The following GPC6 variants were observed in gnomAD, a reference collection of about 807,000 sequenced individuals.
GPC6 encodes the protein glypican 6.
In GPC6, 14 loss-of-function variants were observed where a neutral mutation model predicts 55.2. The ratio of observed to expected loss-of-function variants is 0.25; its 90% CI spans 0.17 to 0.40. The LOEUF is 0.40. Among genes scored for constraint, GPC6 ranks in the 10% least tolerant of loss-of-function variants. GPC6 has a pLI of 1.00. For missense variants in GPC6, 641 were observed against 708.5 expected (o/e 0.90, Z 1.08); for synonymous variants, 278 against 259.6 (o/e 1.07, Z -0.68).
At chr13:93,473,271 G>T (rs562633911) in intron 1 of GPC6, among the ~76,000 whole-genome samples, 2 of 152,302 alleles carry the variant, frequency 1.3e-5, no homozygotes, top group Non-Finnish European at 2.9e-5. Flanking sequence ...GTGTTGAACT[G>T]CCCTAAGCCC....
chr13:93,442,441 T>C (rs184099150), intron 1 of GPC6, among the ~76,000 whole-genome samples: 2 of 152,358 alleles, frequency 1.3e-5, no homozygotes, highest in Admixed American at 6.5e-5. Context: ...CTGAAATGAA[T>C]GAATGTTCCT....
At chr13:93,409,909 C>G (rs181586852) in intron 1 of GPC6, among the ~76,000 whole-genome samples, 2 of 152,302 alleles carry the variant, frequency 1.3e-5, no homozygotes, top group East Asian at 1.9e-4. Flanking sequence ...GTCATTTGTT[C>G]ATTTCCAAGA....
At chr13:94,048,265 A>G (rs1883802010) in intron 4 of GPC6, among the ~76,000 whole-genome samples, 1 of 152,108 alleles carries the variant, frequency 6.6e-6, no homozygotes, top group Admixed American at 6.6e-5. Flanking sequence ...ATGAAGGGTT[A>G]TAAATATATT....
intron 2 of GPC6, among the ~76,000 whole-genome samples, chr13:93,612,544 A>ACACACACAC (rs1555316453): frequency 1.8e-4 from 13 of 71,136 alleles, no homozygotes; most frequent in Admixed American, 3.7e-4. Context: ...CACACACACA[A>ACACACACAC]ACTTCATGTG....
At chr13:93,876,505 T>C (rs367985734) in intron 3 of GPC6, among the ~76,000 whole-genome samples, 38 of 152,182 alleles carry the variant, frequency 2.5e-4, no homozygotes, top group African/African-American at 9.1e-4. Flanking sequence ...GTCTAGATTA[T>C]AGAGGGCACG....
intron 2 of GPC6, among the ~76,000 whole-genome samples, chr13:93,770,408 T>G (rs1019930898): frequency 6.6e-6 from 1 of 152,140 alleles, no homozygotes; most frequent in Admixed American, 6.6e-5. Flanking sequence ...AATACTAATC[T>G]TTGGTAAAGG....
At chr13:93,305,709 T>C (rs1411189561) in intron 1 of GPC6, among the ~76,000 whole-genome samples, 2 of 152,224 alleles carry the variant, frequency 1.3e-5, no homozygotes, top group Non-Finnish European at 2.9e-5. Flanking sequence ...CACAGATGTA[T>C]TATGAATGGC....
chr13:93,300,746 A>G (rs1878648534), intron 1 of GPC6, among the ~76,000 whole-genome samples: 1 of 151,892 alleles, frequency 6.6e-6, no homozygotes, highest in Non-Finnish European at 1.5e-5. Context: ...CTGGCTTGGC[A>G]TGGTGGCTCA....
At chr13:94,117,054 T>A (rs1011694105) in intron 4 of GPC6, among the ~76,000 whole-genome samples, 1 of 152,090 alleles carries the variant, frequency 6.6e-6, no homozygotes, top group African/African-American at 2.4e-5. Flanking sequence ...CAATTACCCT[T>A]GCAGTGCACT....
chr13:94,366,607 G>A (rs1879298326), intron 6 of GPC6, among the ~76,000 whole-genome samples: 1 of 152,190 alleles, frequency 6.6e-6, no homozygotes, highest in Non-Finnish European at 1.5e-5. Context: ...TTCCAATCCA[G>A]CATTATGAAG....
At position 93,789,509 on chromosome 13, in the gene GPC6, C is replaced by CTCTCTATA. The variant is rs1363454667; in HGVS notation, c.320-40644_320-40643insCTCTATAT. Among the ~76,000 whole-genome samples, 12 of 93,458 alleles carry CTCTCTATA rather than the reference C, an allele frequency of 1.3e-4. 1 individual carries two copies. Among genetic ancestry groups the CTCTCTATA allele is most frequent in the African/African-American group, 4.6e-4 (11 of 23,780 alleles). The allele number at this position is 93,458 out of a possible 152,430, so 61.3% of individuals were successfully genotyped here. A position where few individuals can be genotyped will look rare whatever the true frequency, so the allele number is the denominator to read the frequency against. On this transcript the variant is annotated intron_variant, in intron 2 of 8. Coordinates refer to ENST00000377047, the MANE Select transcript of GPC6 (RefSeq NM_005708.5). ...TCTCTCTCTCTCTCTCTCTCTCTCT[C>CTCTCTATA]TATATATATATATATATATATATAT...
chr13:93,419,864 G>A (rs1876861299), intron 1 of GPC6, among the ~76,000 whole-genome samples: 1 of 152,100 alleles, frequency 6.6e-6, no homozygotes, highest in South Asian at 2.1e-4. Context: ...AAGCAGAATT[G>A]AAGCTATGAA....
At chr13:93,649,415 A>T (rs924360127) in intron 2 of GPC6, among the ~76,000 whole-genome samples, 2 of 152,082 alleles carry the variant, frequency 1.3e-5, no homozygotes, top group African/African-American at 2.4e-5. Context: ...TCACCACTGC[A>T]CTCCAGCCTG....
chr13:93,286,656 C>G (rs1164274528), intron 1 of GPC6, among the ~76,000 whole-genome samples: 1 of 152,186 alleles, frequency 6.6e-6, no homozygotes, highest in Non-Finnish European at 1.5e-5. Flanking sequence ...AGTGGTCTGA[C>G]CGTTGACTCC....
At position 94,271,064 on chromosome 13, in the gene GPC6, A is replaced by G. The variant is rs1891988846; in HGVS notation, c.878-15285A>G. On this transcript the variant is annotated intron_variant, in intron 4 of 8. Coordinates refer to ENST00000377047, the MANE Select transcript of GPC6 (RefSeq NM_005708.5). ...GAGTGCAGTGGCGCAATCTCGGCTC[A>G]CTGCAAGCTCCAGCTTCCCAGGTTC... Among the ~76,000 whole-genome samples, 5 of 130,480 alleles carry G rather than the reference A, an allele frequency of 3.8e-5. No individual in the cohort carries two copies. In the South Asian group the frequency reaches 1.2e-3, roughly 32 times the overall value. The allele number at this position is 130,480 out of a possible 152,430, so 85.6% of individuals were successfully genotyped here. A position where few individuals can be genotyped will look rare whatever the true frequency, so the allele number is the denominator to read the frequency against.
At chr13:93,768,877 T>C (rs964859263) in intron 2 of GPC6, among the ~76,000 whole-genome samples, 3 of 152,176 alleles carry the variant, frequency 2.0e-5, no homozygotes, top group Non-Finnish European at 2.9e-5. Context: ...GAAGCTTCTT[T>C]CATAAAAGGA....
chr13:94,264,110 C>A (rs536710095), intron 4 of GPC6, among the ~76,000 whole-genome samples: 2 of 152,304 alleles, frequency 1.3e-5, no homozygotes, highest in South Asian at 4.1e-4. Flanking sequence ...CTCCCACATA[C>A]CCTGGTTCCA....
chr13:93,570,521 G>C (rs1876350684), intron 2 of GPC6, among the ~76,000 whole-genome samples: 1 of 152,104 alleles, frequency 6.6e-6, no homozygotes. Flanking sequence ...AGTCATTTTT[G>C]AATGTGAAAA....
intron 2 of GPC6, among the ~76,000 whole-genome samples, chr13:93,638,563 C>G (rs917977009): frequency 6.6e-6 from 1 of 152,076 alleles, no homozygotes; most frequent in Non-Finnish European, 1.5e-5. Flanking sequence ...AGCAATAACT[C>G]TTTCCAAGGC....
Sources: allele counts gnomAD v4.1 joint callset (sites outside exome capture counted in the v4.1 genomes callset), GRCh38; gene constraint gnomAD v4.1.1; transcripts MANE v1.5; gene names NCBI Gene and HGNC (gene_info 2026-07-23, HGNC 2026-07-21).